The following ZDHHC17 variants were observed in gnomAD, a reference collection of about 807,000 sequenced individuals.
The protein encoded by ZDHHC17 is zDHHC palmitoyltransferase 17.
In ZDHHC17, 40 loss-of-function variants were observed where a neutral mutation model predicts 90.3. The observed-to-expected ratio is 0.44, with a 90% CI of 0.34 to 0.58. ZDHHC17 has a LOEUF of 0.58. ZDHHC17 is among the 20% of genes least tolerant of loss of function. The pLI is 0.01. For synonymous variants in ZDHHC17, 235 were observed against 252.4 expected (o/e 0.93, Z 0.65); for missense variants, 614 against 780.8 (o/e 0.79, Z 2.55).
At position 76,797,462 on chromosome 12, in the gene ZDHHC17, A is replaced by T; in HGVS notation, c.122A>T (p.His41Leu). 1 of 1,609,922 alleles carries T rather than the reference A, an allele frequency of 6.2e-7. No individual in the cohort carries two copies. Among genetic ancestry groups the T allele is most frequent in the Non-Finnish European group, 8.5e-7 (1 of 1,177,946 alleles). Residue 41 changes from histidine to leucine, a missense_variant, in exon 2 of 17, where the codon CAT becomes CTT. Coordinates refer to ENST00000426126, the MANE Select transcript of ZDHHC17 (RefSeq NM_015336.4). ...EEIKPQSHYNHGYGEPLGRKT... is the reference protein window; with the variant it reads ...EEIKPQSHYNLGYGEPLGRKT... ...ATCAAACCCCAAAGCCATTATAACC[A>T]TGGATATGGTGAACCTCTTGGACGG...
chr12:76,824,687 A>T (rs1953208901), intron 8 of ZDHHC17, among the ~76,000 whole-genome samples: 1 of 152,046 alleles, frequency 6.6e-6, no homozygotes, highest in Non-Finnish European at 1.5e-5. Flanking sequence ...ACAGATAAAG[A>T]TGGAATCTTT....
chr12:76,797,653 A>C (rs1952836607), intron 2 of ZDHHC17, 116 bp downstream of exon 2: 1 of 761,394 alleles, frequency 1.3e-6, no homozygotes, highest in Non-Finnish European at 1.9e-6. Context: ...TTAAAAAATT[A>C]GTTTATGGGC....
chr12:76,846,448 T>A, intron 13 of ZDHHC17, 148 bp from the exon 14 acceptor site: 1 of 586,956 alleles, frequency 1.7e-6, no homozygotes, highest in African/African-American at 1.9e-5. Flanking sequence ...ATTAAAACAT[T>A]TTTCCTGAAA....
Position 76,846,630 on chromosome 12 carries a change from A to G in ZDHHC17, c.1458A>G (p.Leu486=), listed in dbSNP as rs1425315289. 3 of 1,612,448 alleles carry G rather than the reference A, an allele frequency of 1.9e-6. No individual in the cohort carries two copies. Among genetic ancestry groups the G allele is most frequent in the Admixed American group, 1.7e-5 (1 of 59,876 alleles). The part of the protein sequence containing the change: ...AGNHRYFMGY[L]FFLLFMICWM... Reference sequence around the variant, plus strand: ...ACCATAGATATTTTATGGGCTACCTATTCTTCTTGCTTTTTATGATCTGCT... The same window carrying G: ...ACCATAGATATTTTATGGGCTACCTGTTCTTCTTGCTTTTTATGATCTGCT... Residue 486 remains leucine (L), a synonymous_variant, in exon 14 of 17, where the codon CTA becomes CTG. Transcript: ENST00000426126.
chr12:76,814,229 C>T (rs533811616), intron 5 of ZDHHC17, among the ~76,000 whole-genome samples: 6 of 151,674 alleles, frequency 4.0e-5, no homozygotes, highest in African/African-American at 1.5e-4. Context: ...GAAAGAGTTT[C>T]GGTTTAATAG....
Position 76,815,917 on chromosome 12 carries a change from T to C in ZDHHC17, c.669T>C (p.Tyr223=). ...TTTCAGTTAACCTTGGTGACAAGTA[T>C]CACAAAAACACTGCTCTGCATTGGG... The part of the protein sequence containing the change: ...FNVSVNLGDK[Y]HKNTALHWAV... The change falls in exon 7 of 17, where the codon TAT becomes TAC. Residue 223 remains tyrosine, a synonymous_variant. Coordinates refer to ENST00000426126, the MANE Select transcript of ZDHHC17 (RefSeq NM_015336.4). 1 of 1,583,494 alleles carries C rather than the reference T, an allele frequency of 6.3e-7. No homozygotes were observed. Among genetic ancestry groups the C allele is most frequent in the Non-Finnish European group, 8.6e-7 (1 of 1,163,040 alleles).
Position 76,820,018 on chromosome 12 carries a change from A to G in ZDHHC17, c.772-2388A>G, listed in dbSNP as rs1032740188. Reference sequence around the variant, plus strand: ...TAAAAAAAAAAAAAAAAAAAAGACAATTTATACTAAATGATAGGTAACTTT... The same window carrying G: ...TAAAAAAAAAAAAAAAAAAAAGACAGTTTATACTAAATGATAGGTAACTTT... On this transcript the variant is annotated intron_variant, in intron 7 of 16. Transcript: ENST00000426126. 1.1e-4 allele frequency among the ~76,000 whole-genome samples: 16 copies of G among 150,214 alleles called. No individual in the cohort carries two copies. In the South Asian group the frequency reaches 2.7e-3, roughly 26 times the overall value.
At chr12:76,837,539 A>G (rs1020141759) in intron 10 of ZDHHC17, among the ~76,000 whole-genome samples, 3 of 152,168 alleles carry the variant, frequency 2.0e-5, no homozygotes, top group African/African-American at 7.2e-5. Flanking sequence ...TACCATTGAG[A>G]TTAAAAAACA....
chr12:76,832,983 T>G (rs2137792669), intron 10 of ZDHHC17, among the ~76,000 whole-genome samples: 1 of 152,296 alleles, frequency 6.6e-6, no homozygotes, highest in African/African-American at 2.4e-5. Flanking sequence ...ACAAATAAAT[T>G]TTATCATGGA....
intron 15 of ZDHHC17, 135 bp from the exon 16 acceptor site, chr12:76,849,236 GGGGGT>G: frequency 2.3e-6 from 1 of 441,214 alleles, no homozygotes; most frequent in Non-Finnish European, 3.9e-6. Flanking sequence ...GGGAGGTGGC[GGGGGT>G]GGAATCACTT....
At chr12:76,822,729 A>ATT (rs11386189) in intron 8 of ZDHHC17, among the ~76,000 whole-genome samples, 198 bp downstream of exon 8, 32 of 149,284 alleles carry the variant, frequency 2.1e-4, no homozygotes, top group East Asian at 5.9e-4. Context: ...TAATATTTGT[A>ATT]TTTTTTTTTA....
chr12:76,829,912 T>C (rs1261907241), intron 10 of ZDHHC17, among the ~76,000 whole-genome samples: 1 of 152,136 alleles, frequency 6.6e-6, no homozygotes, highest in African/African-American at 2.4e-5. Context: ...CACTGCAGCT[T>C]GAACTCCTGG....
intron 2 of ZDHHC17, among the ~76,000 whole-genome samples, chr12:76,801,618 T>C (rs1158298969): frequency 2.0e-5 from 3 of 151,898 alleles, no homozygotes; most frequent in African/African-American, 4.8e-5. Flanking sequence ...CGCGCCACTG[T>C]GCTCCAGCCT....
chr12:76,793,644 C>T lies in ZDHHC17; in HGVS notation c.94-3790C>T, dbSNP rs528039512. Among the ~76,000 whole-genome samples, 3 of 152,246 alleles carry T rather than the reference C, an allele frequency of 2.0e-5. No individual in the cohort carries two copies. In the Middle Eastern group the frequency reaches 0.01, roughly 518 times the overall value. ...CCGTTTTACGAAGGAGAGATCTGTA[C>T]CCTATAGTAGTTAATTGACTTGTTA... On this transcript the variant is annotated intron_variant, in intron 1 of 16. Transcript: ENST00000426126.
At chr12:76,767,681 A>C (rs905523192) in intron 1 of ZDHHC17, among the ~76,000 whole-genome samples, 1 of 152,192 alleles carries the variant, frequency 6.6e-6, no homozygotes, top group African/African-American at 2.4e-5. Flanking sequence ...GGGTTTAGGG[A>C]GGCCGAGGCG....
At chr12:76,814,182 A>G (rs1953057476) in intron 5 of ZDHHC17, among the ~76,000 whole-genome samples, 1 of 152,000 alleles carries the variant, frequency 6.6e-6, no homozygotes, top group Non-Finnish European at 1.5e-5. Context: ...TCCCTGATAC[A>G]TCAGAAAGTC....
At chr12:76,829,756 C>CATCT (rs1301226021) in intron 10 of ZDHHC17, among the ~76,000 whole-genome samples, 1 of 151,968 alleles carries the variant, frequency 6.6e-6, no homozygotes, top group African/African-American at 2.4e-5. Flanking sequence ...ATCTCTTTTG[C>CATCT]CTTCATGAAA....
rs568611898 is a variant in ZDHHC17 at position 76,807,320 on chromosome 12, A to T, written c.321-1723A>T. Among the ~76,000 whole-genome samples, 75 of 152,334 alleles carry T rather than the reference A, an allele frequency of 4.9e-4. 1 individual carries two copies. In the South Asian group the frequency reaches 0.015, roughly 30 times the overall value. On this transcript the variant is annotated intron_variant, in intron 3 of 16. Transcript: ENST00000426126. ...ATGCTAGAAAACACAATTTTTCTGC[A>T]ATGTATTTATATTGACTTTCAACCA...
intron 1 of ZDHHC17, among the ~76,000 whole-genome samples, chr12:76,791,566 A>C (rs1203840822): frequency 6.6e-6 from 1 of 152,206 alleles, no homozygotes; most frequent in Non-Finnish European, 1.5e-5. Context: ...GTAGAGACCC[A>C]AAATACCATA....
Sources: gnomAD v4.1 joint callset for allele counts (sites outside exome capture counted in the v4.1 genomes callset) on GRCh38, gnomAD v4.1.1 for gene constraint, MANE v1.5 for transcripts, NCBI Gene and HGNC (gene_info 2026-07-23, HGNC 2026-07-21) for gene names.